Variants in FOXP1 observed in about 807,000 individuals in gnomAD.
FOXP1 encodes forkhead box protein P1.
Under a neutral mutation model 98.2 loss-of-function variants are expected in FOXP1, and 15 were observed. The ratio of observed to expected loss-of-function variants is 0.15; its 90% confidence interval spans 0.10 to 0.24. The LOEUF (loss-of-function observed/expected upper bound fraction) is 0.24. Among genes scored for constraint, FOXP1 ranks in the 10% least tolerant of loss-of-function variants. The pLI is 1.00. For missense variants in FOXP1, 633 were observed against 848.5 expected, an observed-to-expected ratio of 0.75 and a Z score of 3.15; for synonymous variants, 371 against 314.5, an observed-to-expected ratio of 1.18 and a Z score of -1.90.
chr3:71,407,775 A>C (rs1289266755), intron 3 of FOXP1, among the ~76,000 whole-genome samples: 1 of 152,150 alleles, frequency 6.6e-6, no homozygotes, highest in Non-Finnish European at 1.5e-5. Context: ...AAAAAAAAAA[A>C]ATCTCCATTT....
At chr3:71,403,081 G>A (rs2082053983) in intron 3 of FOXP1, among the ~76,000 whole-genome samples, 2 of 152,162 alleles carry the variant, frequency 1.3e-5, no homozygotes, top group African/African-American at 4.8e-5. Flanking sequence ...TCTCAAAAGA[G>A]GAAGTTTACT....
chr3:71,337,321 A>G (rs2076745461), intron 4 of FOXP1, among the ~76,000 whole-genome samples: 1 of 152,216 alleles, frequency 6.6e-6, no homozygotes, highest in Admixed American at 6.5e-5. Flanking sequence ...TATGGCTATT[A>G]AAACGGAAAT....
intron 5 of FOXP1, among the ~76,000 whole-genome samples, chr3:71,275,163 T>A (rs1461281039): frequency 1.3e-5 from 2 of 152,232 alleles, no homozygotes; most frequent in Non-Finnish European, 2.9e-5. Context: ...CTATTCTATT[T>A]ACCCACTTGG....
intron 3 of FOXP1, among the ~76,000 whole-genome samples, chr3:71,448,692 A>G (rs1281221080): frequency 6.6e-6 from 1 of 152,232 alleles, no homozygotes; most frequent in East Asian, 1.9e-4. Context: ...ACTAGTAGGT[A>G]ATGGTGGTAG....
intron 3 of FOXP1, among the ~76,000 whole-genome samples, chr3:71,418,935 CA>C (rs34398058): frequency 2.2e-3 from 243 of 108,634 alleles, no homozygotes; most frequent in East Asian, 7.2e-3. Flanking sequence ...AGACCGGTCT[CA>C]AAAAAAAAAA....
intron 11 of FOXP1, among the ~76,000 whole-genome samples, chr3:71,031,496 G>A (rs2046862602): frequency 6.6e-6 from 1 of 152,186 alleles, no homozygotes; most frequent in Non-Finnish European, 1.5e-5. Flanking sequence ...ATTTTCCAAA[G>A]TGTCTTTTTA....
At chr3:71,199,015 T>C (rs1018025575) in intron 5 of FOXP1, among the ~76,000 whole-genome samples, 3 of 152,054 alleles carry the variant, frequency 2.0e-5, no homozygotes, top group African/African-American at 7.2e-5. Context: ...TTCTATCTGG[T>C]TCCTTTGCTC....
intron 2 of FOXP1, among the ~76,000 whole-genome samples, chr3:71,554,362 T>A (rs993766059): frequency 2.6e-5 from 4 of 152,094 alleles, no homozygotes; most frequent in South Asian, 2.1e-4. Context: ...CTTTAACAAA[T>A]TTTTTTAAAA....
chr3:70,967,163 T>C (rs1348553594), intron 19 of FOXP1, among the ~76,000 whole-genome samples: 1 of 152,204 alleles, frequency 6.6e-6, no homozygotes, highest in Admixed American at 6.5e-5. Context: ...TCTGGCATAG[T>C]GACTTCCACT....
chr3:71,115,297 A>AATT (rs940030502), intron 6 of FOXP1, among the ~76,000 whole-genome samples: 1 of 147,154 alleles, frequency 6.8e-6, no homozygotes, highest in African/African-American at 2.5e-5. Flanking sequence ...ATGGGCACTC[A>AATT]ATTATTATTA....
rs60423991 is a variant in FOXP1 at position 71,406,405 on chromosome 3, G to GTATATATATATATATATATA, written c.-167-47162_-167-47161insTATATATATATATATATATA. On this transcript the variant is annotated intron_variant, in intron 3 of 20. Coordinates refer to ENST00000649528, the MANE Select transcript of FOXP1 (RefSeq NM_001349338.3). The stretch of plus-strand genomic sequence containing the variant: ...TAATTGACACATAATAACTGTATGT[G>GTATATATATATATATATATA]TATATATATATATATATATGGTACA... Among the ~76,000 whole-genome samples the GTATATATATATATATATATA allele has an allele frequency of 6.6e-3, 696 of 105,808 alleles. 91 individuals carry two copies. The highest frequency in any genetic ancestry group is 0.011 in the Admixed American group (112 of 10,658). The allele number at this position is 105,808 out of a possible 152,430, so 69.4% of individuals were successfully genotyped here.
intron 7 of FOXP1, among the ~76,000 whole-genome samples, chr3:71,063,348 T>C (rs1175884153): frequency 1.3e-5 from 2 of 152,266 alleles, no homozygotes; most frequent in Admixed American, 6.5e-5. Flanking sequence ...AAGCTTTGTA[T>C]TCTTTTAAAC....
intron 2 of FOXP1, among the ~76,000 whole-genome samples, chr3:71,537,765 T>G (rs754288247): frequency 5.3e-5 from 8 of 152,152 alleles, no homozygotes; most frequent in Non-Finnish European, 1.0e-4. Context: ...AGCACAGAGG[T>G]TGGCAAACTA....
At chr3:71,397,845 C>G (rs967480544) in intron 3 of FOXP1, among the ~76,000 whole-genome samples, 2 of 152,170 alleles carry the variant, frequency 1.3e-5, no homozygotes, top group African/African-American at 4.8e-5. Context: ...AGGTCCCAAG[C>G]TGTACAGACA....
chr3:71,536,807 C>A (rs543790371), intron 2 of FOXP1, among the ~76,000 whole-genome samples: 3 of 152,136 alleles, frequency 2.0e-5, no homozygotes, highest in African/African-American at 7.2e-5. Context: ...ACATGATGAT[C>A]GTTTGGTGTG....
At chr3:71,176,816 C>T (rs1335903462) in intron 6 of FOXP1, among the ~76,000 whole-genome samples, 1 of 146,064 alleles carries the variant, frequency 6.8e-6, no homozygotes, top group Admixed American at 6.9e-5. Flanking sequence ...AATCCCAGCA[C>T]TTTGGGAGGC....
chr3:71,016,304 T>G (rs2044473805), intron 11 of FOXP1, among the ~76,000 whole-genome samples: 1 of 152,138 alleles, frequency 6.6e-6, no homozygotes, highest in Non-Finnish European at 1.5e-5. Context: ...GGGTTAATCC[T>G]CCAGTGGGGT....
At chr3:71,531,881 A>G (rs2043881377) in intron 2 of FOXP1, among the ~76,000 whole-genome samples, 1 of 152,204 alleles carries the variant, frequency 6.6e-6, no homozygotes, top group Non-Finnish European at 1.5e-5. Flanking sequence ...AGGACGCATG[A>G]AATTTATAGC....
intron 2 of FOXP1, among the ~76,000 whole-genome samples, chr3:71,575,356 G>A (rs1009671450): frequency 1.3e-5 from 2 of 152,136 alleles, no homozygotes; most frequent in African/African-American, 4.8e-5. Flanking sequence ...GCATGCATCA[G>A]AATTATCAAG....
Sources: allele counts gnomAD v4.1 joint callset (sites outside exome capture counted in the v4.1 genomes callset), GRCh38; gene constraint gnomAD v4.1.1; transcripts MANE v1.5; gene names NCBI Gene and HGNC (gene_info 2026-07-23, HGNC 2026-07-21).